GRIA4: variants seen among roughly 807,000 people sequenced by gnomAD.
GRIA4 encodes glutamate receptor 4.
Under a neutral mutation model 104.0 loss-of-function variants are expected in GRIA4, and 34 were observed. The ratio of observed to expected loss-of-function variants is 0.33; its 90% CI spans 0.25 to 0.44. The LOEUF is 0.44. Among genes scored for constraint, GRIA4 ranks in the 20% least tolerant of loss-of-function variants. The probability of loss-of-function intolerance (pLI) is 1.00; values close to 1 mark genes in which losing one functional copy is unlikely to be tolerated. For synonymous variants in GRIA4, 386 were observed against 381.9 expected (o/e 1.01, Z -0.13); for missense variants, 750 against 1,096.5 (o/e 0.68, Z 4.46).
At chr11:105,751,786 AT>A (rs1940013663) in intron 3 of GRIA4, among the ~76,000 whole-genome samples, 1 of 152,232 alleles carries the variant, frequency 6.6e-6, no homozygotes. Context: ...TCTGCCTCTT[AT>A]TAATCACCTT....
chr11:105,651,567 G>T (rs1370112091), intron 3 of GRIA4, among the ~76,000 whole-genome samples: 1 of 152,086 alleles, frequency 6.6e-6, no homozygotes, highest in Non-Finnish European at 1.5e-5. Flanking sequence ...TGCCTGAACT[G>T]TTGGAGTCCT....
chr11:105,876,646 T>C (rs1198347232), intron 5 of GRIA4, among the ~76,000 whole-genome samples: 2 of 152,220 alleles, frequency 1.3e-5, no homozygotes, highest in Admixed American at 1.3e-4. Flanking sequence ...TCTTGTTGCA[T>C]TGATCCCTTT....
chr11:105,806,624 C>T (rs1390638030), intron 4 of GRIA4, among the ~76,000 whole-genome samples: 2 of 151,498 alleles, frequency 1.3e-5, no homozygotes, highest in African/African-American at 4.8e-5. Context: ...GAAGATGTGC[C>T]ATGAAGAAAA....
intron 4 of GRIA4, among the ~76,000 whole-genome samples, chr11:105,844,950 AG>A (rs1440055337): frequency 6.6e-6 from 1 of 152,238 alleles, no homozygotes; most frequent in East Asian, 1.9e-4. Flanking sequence ...AAGACTGCCT[AG>A]GCATGTGTTC....
At chr11:105,753,257 T>C (rs372788702) in intron 4 of GRIA4, 37 bp downstream of exon 4, 9 of 1,598,932 alleles carry the variant, frequency 5.6e-6, no homozygotes, top group African/African-American at 1.3e-5. Flanking sequence ...AGCAAAACTC[T>C]AATTTTCAAT....
chr11:105,652,780 GC>G (rs1223724673), intron 3 of GRIA4, among the ~76,000 whole-genome samples: 1 of 152,128 alleles, frequency 6.6e-6, no homozygotes, highest in Admixed American at 6.5e-5. Flanking sequence ...GATGCCTACA[GC>G]CAAGGATAGT....
At chr11:105,916,200 CAA>C (rs1947399532) in intron 10 of GRIA4, among the ~76,000 whole-genome samples, 2 of 152,142 alleles carry the variant, frequency 1.3e-5, no homozygotes. Context: ...AAAACAAAAA[CAA>C]AACAAAATAT....
At chr11:105,965,853 T>A in intron 14 of GRIA4, 1 of 886,510 alleles carries the variant, frequency 1.1e-6, no homozygotes, top group Non-Finnish European at 1.8e-6. Flanking sequence ...TTATTTAGCG[T>A]CTGGGAGAAG....
At chr11:105,626,097 T>G (rs1950879822) in intron 3 of GRIA4, among the ~76,000 whole-genome samples, 1 of 152,134 alleles carries the variant, frequency 6.6e-6, no homozygotes, top group African/African-American at 2.4e-5. Flanking sequence ...GGCAGTTACA[T>G]GTGGATTCTT....
intron 8 of GRIA4, among the ~76,000 whole-genome samples, chr11:105,904,460 G>A (rs1946972529): frequency 6.6e-6 from 1 of 152,136 alleles, no homozygotes; most frequent in African/African-American, 2.4e-5. Context: ...AGAGTCTCAT[G>A]GGCCTAGCTA....
chr11:105,677,442 A>T (rs1252926694), intron 3 of GRIA4, among the ~76,000 whole-genome samples: 1 of 151,932 alleles, frequency 6.6e-6, no homozygotes, highest in African/African-American at 2.4e-5. Context: ...AAATATCAGC[A>T]AATTAAGATG....
intron 3 of GRIA4, among the ~76,000 whole-genome samples, chr11:105,750,854 C>G (rs932784695): frequency 1.3e-5 from 2 of 152,050 alleles, no homozygotes; most frequent in Non-Finnish European, 2.9e-5. Flanking sequence ...AAAAGGAGTC[C>G]AGCATTGCCC....
chr11:105,781,192 C>T (rs2135773039), intron 4 of GRIA4, among the ~76,000 whole-genome samples: 1 of 152,248 alleles, frequency 6.6e-6, no homozygotes, highest in South Asian at 2.1e-4. Flanking sequence ...ACATTTGCCA[C>T]AAAACCCTTT....
chr11:105,699,080 T>C (rs1462776141), intron 3 of GRIA4, among the ~76,000 whole-genome samples: 1 of 152,222 alleles, frequency 6.6e-6, no homozygotes, highest in Non-Finnish European at 1.5e-5. Context: ...TCTTCCTTTG[T>C]ACTCTTTACT....
rs535099233 is a variant in GRIA4, at chr11:105,770,062, C to A, written c.487+16842C>A. Among the ~76,000 whole-genome samples, 4 of 152,114 alleles carry A rather than the reference C, an allele frequency of 2.6e-5. No homozygotes were observed. The South Asian group carries it at 8.3e-4, about 31-fold the overall frequency. On this transcript the variant is annotated intron_variant, in intron 4 of 16. Transcript: ENST00000282499. ...ACATTTTCCTTATGTCATAACATAT[C>A]CTTTATATTACTTTTTGGTGTGTTT...
At chr11:105,884,279 A>T (rs930015742) in intron 5 of GRIA4, among the ~76,000 whole-genome samples, 6 of 152,216 alleles carry the variant, frequency 3.9e-5, no homozygotes, top group Admixed American at 1.3e-4. Context: ...TATATTTTTT[A>T]AAAAGCAATT....
At chr11:105,672,988 A>T (rs1952422664) in intron 3 of GRIA4, among the ~76,000 whole-genome samples, 1 of 152,080 alleles carries the variant, frequency 6.6e-6, no homozygotes, top group Non-Finnish European at 1.5e-5. Context: ...GGAATTGAAA[A>T]TTAGATGGGA....
At chr11:105,950,104 A>G (rs1398612531) in intron 14 of GRIA4, among the ~76,000 whole-genome samples, 1 of 152,218 alleles carries the variant, frequency 6.6e-6, no homozygotes, top group Non-Finnish European at 1.5e-5. Flanking sequence ...CAGAAAAGTT[A>G]GAATAATATC....
intron 11 of GRIA4, among the ~76,000 whole-genome samples, chr11:105,921,429 A>G (rs956189959): frequency 6.6e-6 from 1 of 151,920 alleles, no homozygotes; most frequent in Non-Finnish European, 1.5e-5. Context: ...CATTTTACAC[A>G]CTCAATTTTG....
Sources: gnomAD v4.1 joint callset for allele counts (sites outside exome capture counted in the v4.1 genomes callset) on GRCh38, gnomAD v4.1.1 for gene constraint, MANE v1.5 for transcripts, NCBI Gene and HGNC (gene_info 2026-07-23, HGNC 2026-07-21) for gene names.